The following ST7 variants were observed in gnomAD, a reference collection of about 807,000 sequenced individuals.
The protein encoded by ST7 is suppression of tumorigenicity 7, also known as suppressor of tumorigenicity 7 protein.
In ST7, 28 loss-of-function variants were observed where a neutral mutation model predicts 78.7. That is an observed-to-expected ratio of 0.36 (90% confidence interval 0.26 to 0.49). ST7 has a LOEUF of 0.49. ST7 is among the 20% of genes least tolerant of loss of function. The pLI is 0.99. For synonymous variants in ST7, 247 were observed against 249.6 expected, an observed-to-expected ratio of 0.99 and a Z score of 0.10; for missense variants, 418 against 696.0, an observed-to-expected ratio of 0.60 and a Z score of 4.49.
chr7:117,026,512 T>C (rs1249126810), intron 1 of ST7, among the ~76,000 whole-genome samples: 2 of 152,242 alleles, frequency 1.3e-5, no homozygotes, highest in Non-Finnish European at 2.9e-5. Flanking sequence ...TATATTTTAT[T>C]TGTATTAGTA....
chr7:117,175,280 G>A (rs1466406383), intron 10 of ST7, among the ~76,000 whole-genome samples: 1 of 152,188 alleles, frequency 6.6e-6, no homozygotes, highest in African/African-American at 2.4e-5. Context: ...TCTTTTAGAA[G>A]CCGTTGCAAA....
intron 1 of ST7, among the ~76,000 whole-genome samples, chr7:116,976,574 A>C (rs1004174684): frequency 1.3e-5 from 2 of 152,218 alleles, no homozygotes; most frequent in Non-Finnish European, 2.9e-5. Flanking sequence ...TGGGCCATAC[A>C]TAGAACTGAC....
chr7:116,968,585 G>A (rs972957320), intron 1 of ST7: 16 of 300,260 alleles, frequency 5.3e-5, no homozygotes, highest in African/African-American at 1.1e-4. Context: ...TTAGCGAGTC[G>A]CAGTGCTTGG....
chr7:116,994,084 G>A (rs934738581), intron 1 of ST7, among the ~76,000 whole-genome samples: 6 of 152,100 alleles, frequency 3.9e-5, no homozygotes, highest in Admixed American at 3.9e-4. Context: ...TTGTTATGCA[G>A]TCGTCACCAC....
rs776971010 is a variant in ST7 at position 117,134,114 on chromosome 7, T to G, written c.642-10T>G. ...TTCATTTTACCAACTATTTTTTTCT[T>G]CTTGGTCAGAATTAGGTCCAGAGTT... On this transcript the variant is annotated splice_polypyrimidine_tract_variant and intron_variant, in intron 6 of 15. Transcript: ENST00000323984. The G allele has an allele frequency of 6.2e-7, 1 of 1,611,194 alleles. No homozygotes were observed. The highest frequency in any genetic ancestry group is 8.5e-7 in the Non-Finnish European group (1 of 1,178,478).
chr7:117,172,066 T>G (rs1808035261), intron 10 of ST7, among the ~76,000 whole-genome samples: 1 of 152,042 alleles, frequency 6.6e-6, no homozygotes, highest in African/African-American at 2.4e-5. Flanking sequence ...TCCTCCTGCT[T>G]CAGCCTCCCA....
chr7:117,183,437 T>TTA (rs1554445639), intron 10 of ST7, among the ~76,000 whole-genome samples: 5 of 150,520 alleles, frequency 3.3e-5, no homozygotes, highest in African/African-American at 7.3e-5. Flanking sequence ...AAAAAAAAAA[T>TTA]TATATATATA....
chr7:116,959,965 T>TAC (rs1219856659), intron 1 of ST7: 1 of 154,254 alleles, frequency 6.5e-6, no homozygotes, highest in African/African-American at 2.4e-5. Context: ...TTAATGAGTA[T>TAC]ACATGTTTTT....
At chr7:116,982,574 A>C (rs1231509650) in intron 1 of ST7, among the ~76,000 whole-genome samples, 1 of 152,130 alleles carries the variant, frequency 6.6e-6, no homozygotes, top group Non-Finnish European at 1.5e-5. Flanking sequence ...TTTAATACTC[A>C]AATTGTCCTA....
intron 9 of ST7, among the ~76,000 whole-genome samples, chr7:117,153,493 T>C (rs1320778790): frequency 6.6e-6 from 1 of 152,130 alleles, no homozygotes; most frequent in African/African-American, 2.4e-5. Flanking sequence ...AGTCAAAGGA[T>C]ACTTAAAAGA....
intron 1 of ST7, among the ~76,000 whole-genome samples, chr7:117,047,854 TTGTGCACTATTAATA>T (rs1290627706): frequency 1.3e-5 from 2 of 152,156 alleles, no homozygotes; most frequent in African/African-American, 2.4e-5. Flanking sequence ...ATTTTCTATG[TTGTGCACTATTAATA>T]TACAGTTGAC....
At chr7:117,003,739 A>G (rs1213943438) in intron 1 of ST7, among the ~76,000 whole-genome samples, 2 of 152,194 alleles carry the variant, frequency 1.3e-5, no homozygotes, top group African/African-American at 2.4e-5. Flanking sequence ...ACGAATGTGT[A>G]TATCTTTTCC....
intron 1 of ST7, among the ~76,000 whole-genome samples, chr7:117,053,868 C>T (rs545872165): frequency 5.3e-5 from 8 of 149,826 alleles, no homozygotes; most frequent in East Asian, 4.0e-4. Context: ...TTTTTTAAGA[C>T]GGAGTCTTGC....
chr7:117,222,160 G>T, intron 15 of ST7, 98 bp downstream of exon 15: 4 of 1,350,556 alleles, frequency 3.0e-6, no homozygotes, highest in Non-Finnish European at 4.0e-6. Context: ...ACAGAAATGG[G>T]TACGAGCCTG....
intron 15 of ST7, among the ~76,000 whole-genome samples, chr7:117,229,532 G>A (rs888819640): frequency 2.0e-5 from 3 of 152,224 alleles, no homozygotes; most frequent in African/African-American, 7.2e-5. Flanking sequence ...AGGGGAGTGA[G>A]GGGGCTGTCA....
intron 1 of ST7, among the ~76,000 whole-genome samples, chr7:116,961,992 G>A (rs191392699): frequency 1.3e-4 from 19 of 151,420 alleles, no homozygotes; most frequent in Admixed American, 8.5e-4. Context: ...GTGTCCATGT[G>A]TTCTCATTGT....
intron 1 of ST7, among the ~76,000 whole-genome samples, chr7:117,021,658 A>G (rs1013600545): frequency 5.3e-5 from 8 of 152,200 alleles, no homozygotes; most frequent in African/African-American, 1.9e-4. Context: ...CGAGAGAGCT[A>G]ATAATCCTCA....
intron 1 of ST7, among the ~76,000 whole-genome samples, chr7:116,983,153 C>G (rs1008607554): frequency 1.3e-5 from 2 of 152,178 alleles, no homozygotes; most frequent in African/African-American, 4.8e-5. Flanking sequence ...CCACCTTGGC[C>G]TCCCAAAGTG....
chr7:117,130,000 GT>G (rs1804207424), intron 4 of ST7, among the ~76,000 whole-genome samples, 153 bp downstream of exon 4: 1 of 151,710 alleles, frequency 6.6e-6, no homozygotes, highest in African/African-American at 2.4e-5. Flanking sequence ...TGATTTTTCT[GT>G]TTTATAAATA....
Sources: gnomAD v4.1 joint callset for allele counts (sites outside exome capture counted in the v4.1 genomes callset) on GRCh38, gnomAD v4.1.1 for gene constraint, MANE v1.5 for transcripts, NCBI Gene and HGNC (gene_info 2026-07-23, HGNC 2026-07-21) for gene names.